MYRIP: variants seen among roughly 807,000 people sequenced by gnomAD.
MYRIP encodes the protein rab effector MyRIP.
In MYRIP, 49 loss-of-function variants were observed where a neutral mutation model predicts 98.0. The ratio of observed to expected loss-of-function variants is 0.50; its 90% confidence interval spans 0.40 to 0.63. The LOEUF (loss-of-function observed/expected upper bound fraction) is 0.63, where lower values mean the gene tolerates loss of function less well. MYRIP is among the 30% of genes least tolerant of loss of function. The probability of loss-of-function intolerance (pLI) is 0.00; values close to 1 mark genes in which losing one functional copy is unlikely to be tolerated. For missense variants in MYRIP, 1,004 were observed against 1,058.2 expected (o/e 0.95, Z 0.71); for synonymous variants, 404 against 409.5 (o/e 0.99, Z 0.16).
chr3:39,837,065 C>T (rs370862301), intron 1 of MYRIP, among the ~76,000 whole-genome samples: 7 of 152,018 alleles, frequency 4.6e-5, no homozygotes, highest in African/African-American at 1.2e-4. Flanking sequence ...TGTAACCTTT[C>T]GGCCTTCCAA....
intron 11 of MYRIP, among the ~76,000 whole-genome samples, chr3:40,212,139 T>C (rs55869636): frequency 1.0e-3 from 12 of 11,754 alleles, no homozygotes; most frequent in Non-Finnish European, 2.5e-3. Flanking sequence ...TGTATATATA[T>C]ATACATATAT....
At chr3:40,011,090 AT>A (rs2125795889) in intron 2 of MYRIP, among the ~76,000 whole-genome samples, 1 of 152,306 alleles carries the variant, frequency 6.6e-6, no homozygotes, top group African/African-American at 2.4e-5. Context: ...ATAGATCAAG[AT>A]GGCAACTAGA....
chr3:40,187,778 G>A lies in MYRIP; in HGVS notation c.1028-2048G>A, dbSNP rs1218450812. Among the ~76,000 whole-genome samples the A allele has an allele frequency of 3.3e-5, 5 of 152,218 alleles. 1 individual carries two copies. In the South Asian group the frequency reaches 6.2e-4, roughly 19 times the overall value. On this transcript the variant is annotated intron_variant, in intron 9 of 16. Transcript: ENST00000302541. Reference sequence around the variant, plus strand: ...TGACAGGTAGAACACATGGAAGAACGTGGAATGAGCCAACCAGGCCCTCAC... The same window carrying A: ...TGACAGGTAGAACACATGGAAGAACATGGAATGAGCCAACCAGGCCCTCAC...
intron 1 of MYRIP, among the ~76,000 whole-genome samples, chr3:39,830,188 A>G (rs1340739804): frequency 6.6e-6 from 1 of 151,968 alleles, no homozygotes; most frequent in Non-Finnish European, 1.5e-5. Flanking sequence ...CTATAGAAAA[A>G]CCTTCATACA....
In MYRIP at chr3:39,957,253, G is replaced by A. The variant is rs892985331; in HGVS notation, c.110+56327G>A. Reference sequence around the variant, plus strand: ...AAGAGAATTTTAGACCAATATCCCTGATGAACATTGATGCAAAAATCCCCA... The same window carrying A: ...AAGAGAATTTTAGACCAATATCCCTAATGAACATTGATGCAAAAATCCCCA... On this transcript the variant is annotated intron_variant, in intron 2 of 16. Coordinates refer to ENST00000302541, the MANE Select transcript of MYRIP (RefSeq NM_015460.4). Among the ~76,000 whole-genome samples, 33 of 151,860 alleles carry A rather than the reference G, an allele frequency of 2.2e-4. 1 individual carries two copies. The highest frequency in any genetic ancestry group is 7.5e-4 in the African/African-American group (31 of 41,190).
At chr3:40,080,553 G>C (rs529142569) in intron 3 of MYRIP, among the ~76,000 whole-genome samples, 12 of 151,992 alleles carry the variant, frequency 7.9e-5, no homozygotes, top group African/African-American at 2.9e-4. Context: ...TTCTAGTAAG[G>C]AACAGGTTCT....
At chr3:40,121,645 A>G (rs1223487990) in intron 3 of MYRIP, among the ~76,000 whole-genome samples, 4 of 151,962 alleles carry the variant, frequency 2.6e-5, no homozygotes. Context: ...CAGGTGCCCC[A>G]CTGGTGCAAA....
In MYRIP at chr3:39,979,655, C is replaced by CAA. The variant is rs56328162; in HGVS notation, c.111-64383_111-64382dup. 4.6e-5 allele frequency among the ~76,000 whole-genome samples: 6 copies of CAA among 131,154 alleles called. No homozygotes were observed. The South Asian group carries it at 9.6e-4, about 21-fold the overall frequency. The allele number at this position is 131,154 out of a possible 152,430, so 86.0% of individuals were successfully genotyped here. On this transcript the variant is annotated intron_variant, in intron 2 of 16. Transcript: ENST00000302541. ...CTACATCTCAAAAACCAAAACAAAA[C>CAA]AAAAAAAAAAAAACAAAAAAAAACT...
chr3:40,242,540 G>A (rs961059809), intron 12 of MYRIP: 2 of 150,950 alleles, frequency 1.3e-5, no homozygotes, highest in African/African-American at 2.4e-5. Context: ...ACATGTTGAA[G>A]ATGTAAATAG....
At chr3:40,007,130 T>G (rs928407688) in intron 2 of MYRIP, among the ~76,000 whole-genome samples, 1 of 152,190 alleles carries the variant, frequency 6.6e-6, no homozygotes, top group African/African-American at 2.4e-5. Context: ...GTAACTTATA[T>G]TGGTTTAGTC....
chr3:39,882,166 T>C (rs370716661), intron 1 of MYRIP, among the ~76,000 whole-genome samples: 2 of 152,170 alleles, frequency 1.3e-5, no homozygotes, highest in Middle Eastern at 3.2e-3. Context: ...AGTGATGCAC[T>C]GAAGTCATCC....
At chr3:40,080,522 A>C (rs1277295528) in intron 3 of MYRIP, among the ~76,000 whole-genome samples, 3 of 152,046 alleles carry the variant, frequency 2.0e-5, no homozygotes, top group Non-Finnish European at 4.4e-5. Context: ...CTTAATTTAT[A>C]ATATTTTATT....
intron 10 of MYRIP, among the ~76,000 whole-genome samples, chr3:40,207,712 GAGTAACTGGATGAAA>G (rs1951821244): frequency 6.6e-6 from 1 of 152,182 alleles, no homozygotes; most frequent in South Asian, 2.1e-4. Flanking sequence ...CCTGCTGAAT[GAGTAACTGGATGAAA>G]AGACCATACT....
At chr3:40,162,152 G>T (rs1180786647) in intron 4 of MYRIP, among the ~76,000 whole-genome samples, 1 of 152,062 alleles carries the variant, frequency 6.6e-6, no homozygotes, top group Non-Finnish European at 1.5e-5. Context: ...TCACTGTGCT[G>T]TGAACCATCC....
chr3:40,093,727 T>C (rs2125884914), intron 3 of MYRIP, among the ~76,000 whole-genome samples: 1 of 152,340 alleles, frequency 6.6e-6, no homozygotes, highest in African/African-American at 2.4e-5. Flanking sequence ...GGTCATAGTT[T>C]ACTTCTCTCC....
At position 40,190,265 on chromosome 3, in the gene MYRIP, CT is replaced by C; in HGVS notation, c.1469del (p.Leu490CysfsTer7). On this transcript the variant is annotated frameshift_variant, in exon 10 of 17. Transcript: ENST00000302541. LOFTEE classifies it high-confidence loss of function. ...PRNPAAEKMR[L>X]HGELDVNFNP... Reference sequence around the variant, plus strand: ...GGAACCCTGCAGCTGAGAAGATGCGCTTGCATGGAGAGCTGGACGTGAACTT... The same window carrying C: ...GGAACCCTGCAGCTGAGAAGATGCGCTGCATGGAGAGCTGGACGTGAACTT... 4 of 1,614,084 alleles carry C rather than the reference CT, an allele frequency of 2.5e-6. No individual in the cohort carries two copies. Among genetic ancestry groups the C allele is most frequent in the Non-Finnish European group, 3.4e-6 (4 of 1,180,022 alleles).
At chr3:39,862,083 A>G (rs1942488999) in intron 1 of MYRIP, among the ~76,000 whole-genome samples, 1 of 152,098 alleles carries the variant, frequency 6.6e-6, no homozygotes, top group African/African-American at 2.4e-5. Context: ...TATTAAAGCC[A>G]GAGAGAGAGA....
chr3:40,102,523 G>GAGATTTAATGAGATTT (rs1287282145), intron 3 of MYRIP, among the ~76,000 whole-genome samples: 2 of 152,160 alleles, frequency 1.3e-5, no homozygotes, highest in Non-Finnish European at 2.9e-5. Context: ...TGAGATTTAG[G>GAGATTTAATGAGATTT]AGACAGCAGA....
chr3:40,083,912 C>T (rs539437521), intron 3 of MYRIP, among the ~76,000 whole-genome samples: 56 of 151,798 alleles, frequency 3.7e-4, no homozygotes, highest in African/African-American at 1.1e-3. Context: ...CCAAGGTGGG[C>T]GGATTATGAG....
Sources: allele counts gnomAD v4.1 joint callset (sites outside exome capture counted in the v4.1 genomes callset), GRCh38; gene constraint gnomAD v4.1.1; transcripts MANE v1.5; gene names NCBI Gene and HGNC (gene_info 2026-07-23, HGNC 2026-07-21).